Variants in ST3GAL1 observed in about 807,000 individuals in gnomAD.
The protein encoded by ST3GAL1 is ST3 beta-galactoside alpha-2,3-sialyltransferase 1.
ST3GAL1 carries 16 observed loss-of-function variants against 34.1 expected under a neutral mutation model. That is an observed-to-expected ratio of 0.47 (90% confidence interval 0.32 to 0.71). ST3GAL1 has a LOEUF of 0.71. Among genes scored for constraint, ST3GAL1 ranks in the 30% least tolerant of loss-of-function variants. ST3GAL1 has a pLI of 0.04. For missense variants in ST3GAL1, 353 were observed against 447.4 expected, an observed-to-expected ratio of 0.79 and a Z score of 1.90; for synonymous variants, 191 against 184.7, an observed-to-expected ratio of 1.03 and a Z score of -0.28.
intron 2 of ST3GAL1, among the ~76,000 whole-genome samples, chr8:133,517,355 T>A (rs1037891290): frequency 3.3e-5 from 5 of 152,186 alleles, no homozygotes; most frequent in Admixed American, 6.5e-5. Context: ...TTTTTTATTT[T>A]ATTATTTTTT....
At chr8:133,464,663 G>A in intron 7 of ST3GAL1, 115 bp downstream of exon 7, 1 of 1,173,362 alleles carries the variant, frequency 8.5e-7, no homozygotes, top group Non-Finnish European at 1.2e-6. Context: ...TGCCGGAGGA[G>A]GCTGGGGGAG....
chr8:133,473,660 G>T (rs1402573696), intron 5 of ST3GAL1, among the ~76,000 whole-genome samples: 3 of 152,188 alleles, frequency 2.0e-5, no homozygotes, highest in Non-Finnish European at 4.4e-5. Flanking sequence ...GGTTCTCAAG[G>T]GAGGGCAACT....
At chr8:133,479,224 C>T (rs1050040782) in intron 3 of ST3GAL1, among the ~76,000 whole-genome samples, 9 of 152,004 alleles carry the variant, frequency 5.9e-5, no homozygotes, top group East Asian at 3.9e-4. Context: ...TGGGGTGCAT[C>T]GTAAAAGGAT....
chr8:133,510,713 G>A (rs1817478453), intron 2 of ST3GAL1, among the ~76,000 whole-genome samples: 1 of 152,202 alleles, frequency 6.6e-6, no homozygotes, highest in African/African-American at 2.4e-5. Flanking sequence ...AGTTGCACCA[G>A]CCCAATTTCA....
intron 1 of ST3GAL1, among the ~76,000 whole-genome samples, chr8:133,568,354 A>G (rs1773858650): frequency 6.6e-6 from 1 of 152,178 alleles, no homozygotes; most frequent in African/African-American, 2.4e-5. Context: ...GGCTCCTGTG[A>G]CCAAATTAGA....
At chr8:133,567,019 T>G (rs1055769366) in intron 1 of ST3GAL1, 1 of 152,208 alleles carries the variant, frequency 6.6e-6, no homozygotes, top group Non-Finnish European at 1.5e-5. Context: ...TTATTATGAT[T>G]ATTATTATTT....
chr8:133,476,076 T>A lies in ST3GAL1; in HGVS notation c.-50-2A>T. The A allele has an allele frequency of 6.6e-7, 1 of 1,506,526 alleles. No individual in the cohort carries two copies. Among genetic ancestry groups the A allele is most frequent in the Non-Finnish European group, 8.9e-7 (1 of 1,126,326 alleles). 93.3% of individuals were successfully genotyped at this position (1,506,526 alleles called of 1,614,324 possible). On this transcript the variant is annotated splice_acceptor_variant, in intron 4 of 9. Transcript: ENST00000522652. LOFTEE classifies it low-confidence loss of function (5UTR_SPLICE). ...ACGATGGGTAGCAGGAACTCCCTCCTAAGAGAGGAGAAAAATGGAAGAAAA... is the reference window on the plus strand; with the variant it reads ...ACGATGGGTAGCAGGAACTCCCTCCAAAGAGAGGAGAAAAATGGAAGAAAA...
chr8:133,463,317 T>G, intron 8 of ST3GAL1, 97 bp downstream of exon 8: 1 of 1,395,434 alleles, frequency 7.2e-7, no homozygotes, highest in African/African-American at 1.4e-5. Context: ...GGCCTGGGGA[T>G]CTGGGGGCTG....
In ST3GAL1 at chr8:133,459,802, C is replaced by T. The variant is rs144565045; in HGVS notation, c.985G>A (p.Ala329Thr). ...AAGATCCGGATTTTATTGATGGAGG[C>T]CAAGGTGGCCGTCACGTTAGACTCA... ...DFESNVTATL[A>T]SINKIRIFKG... is the part of the protein sequence containing the mutation. The change falls in exon 10 of 10, where the codon GCC becomes ACC. Residue 329 changes from alanine (A) to threonine (T), a missense_variant. By Grantham distance (58) the Ala-to-Thr change is moderately conservative (BLOSUM62 0). Transcript: ENST00000522652. The surrounding 1 kb of genome is among the most constrained non-coding windows in gnomAD (Gnocchi z 4.7). 1 of 1,613,574 alleles carries T rather than the reference C, an allele frequency of 6.2e-7. No individual in the cohort carries two copies. Among genetic ancestry groups the T allele is most frequent in the African/African-American group, 1.3e-5 (1 of 74,900 alleles).
intron 3 of ST3GAL1, among the ~76,000 whole-genome samples, chr8:133,493,150 CG>C (rs1425584210): frequency 1.3e-5 from 2 of 152,282 alleles, no homozygotes; most frequent in East Asian, 3.9e-4. Flanking sequence ...GAGGACTGGA[CG>C]CACTGTCCCC....
At position 133,517,453 on chromosome 8, in the gene ST3GAL1, G is replaced by A. The variant is rs955929025; in HGVS notation, c.-428-18264C>T. 4.6e-5 allele frequency among the ~76,000 whole-genome samples: 7 copies of A among 152,252 alleles called. No homozygotes were observed. In the East Asian group the frequency reaches 7.7e-4, roughly 17 times the overall value. ...CAACCTCTGCCTCCCGGGTTCAAGC[G>A]ATTCTCCTGCCTCAGCCTCCCAAGT... On this transcript the variant is annotated intron_variant, in intron 2 of 9. Coordinates refer to ENST00000522652, the MANE Select transcript of ST3GAL1 (RefSeq NM_173344.3).
chr8:133,568,342 T>G (rs1819468880), intron 1 of ST3GAL1, among the ~76,000 whole-genome samples: 1 of 152,226 alleles, frequency 6.6e-6, no homozygotes, highest in African/African-American at 2.4e-5. Flanking sequence ...GGCCCCGGTC[T>G]GGGCTCCTGT....
chr8:133,542,111 A>C lies in ST3GAL1; in HGVS notation c.-429+3663T>G, dbSNP rs781101666. On this transcript the variant is annotated intron_variant, in intron 2 of 9. Coordinates refer to ENST00000522652, the MANE Select transcript of ST3GAL1 (RefSeq NM_173344.3). ...TGATACACCACACACACACACACACACCCACGCACACACAGACACACACAT... is the reference window on the plus strand; with the variant it reads ...TGATACACCACACACACACACACACCCCCACGCACACACAGACACACACAT... Among the ~76,000 whole-genome samples the C allele has an allele frequency of 4.6e-4, 44 of 95,244 alleles. 1 individual carries two copies. Among genetic ancestry groups the C allele is most frequent in the South Asian group, 4.4e-3 (8 of 1,838 alleles). The allele number at this position is 95,244 out of a possible 152,430, so 62.5% of individuals were successfully genotyped here. A position where few individuals can be genotyped will look rare whatever the true frequency, so the allele number is the denominator to read the frequency against.
chr8:133,478,285 A>G (rs899239330), intron 3 of ST3GAL1, among the ~76,000 whole-genome samples: 1 of 152,190 alleles, frequency 6.6e-6, no homozygotes, highest in African/African-American at 2.4e-5. Flanking sequence ...TACCCCAGTA[A>G]TTGATCCAGG....
chr8:133,552,384 A>G (rs1431837350), intron 1 of ST3GAL1, among the ~76,000 whole-genome samples: 1 of 152,246 alleles, frequency 6.6e-6, no homozygotes, highest in African/African-American at 2.4e-5. Context: ...AGGAATGGTG[A>G]GAGGACCTAG....
At chr8:133,566,731 A>G (rs1047981263) in intron 1 of ST3GAL1, among the ~76,000 whole-genome samples, 3 of 152,242 alleles carry the variant, frequency 2.0e-5, no homozygotes, top group African/African-American at 7.2e-5. Context: ...TGAGCATTAA[A>G]AATAAAGCAC....
rs1425956388 is a variant in ST3GAL1, at chr8:133,540,670, G to C, written c.-429+5104C>G. On this transcript the variant is annotated intron_variant, in intron 2 of 9. Transcript: ENST00000522652. ...CCACACCCATGCTATGCCCTGCCCT[G>C]GGACCCCCTGCCCCTGCCCACACCA... 4.0e-5 allele frequency among the ~76,000 whole-genome samples: 6 copies of C among 149,072 alleles called. 1 individual carries two copies. In the South Asian group the frequency reaches 6.3e-4, roughly 16 times the overall value.
At chr8:133,542,019 G>T (rs1012514757) in intron 2 of ST3GAL1, among the ~76,000 whole-genome samples, 7 of 152,160 alleles carry the variant, frequency 4.6e-5, no homozygotes, top group African/African-American at 1.7e-4. Context: ...ATTTGAAAAT[G>T]ATCTGAATGA....
rs1299790632 is a variant in ST3GAL1, at chr8:133,541,114, T to TAGAGAGAGAGAGAGAG, written c.-429+4659_-429+4660insCTCTCTCTCTCTCTCT. Reference sequence around the variant, plus strand: ...ATATAAACATATATATATATATATATATATATAGAGAGAGAGAGAGAGAGA... The same window carrying TAGAGAGAGAGAGAGAG: ...ATATAAACATATATATATATATATATAGAGAGAGAGAGAGAGATATATAGAGAGAGAGAGAGAGAGA... On this transcript the variant is annotated intron_variant, in intron 2 of 9. Coordinates refer to ENST00000522652, the MANE Select transcript of ST3GAL1 (RefSeq NM_173344.3). Among the ~76,000 whole-genome samples the TAGAGAGAGAGAGAGAG allele has an allele frequency of 1.6e-3, 70 of 44,056 alleles. 3 individuals are homozygous for TAGAGAGAGAGAGAGAG. Among genetic ancestry groups the TAGAGAGAGAGAGAGAG allele is most frequent in the Admixed American group, 2.2e-3 (10 of 4,584 alleles). The allele number at this position is 44,056 out of a possible 152,430, so 28.9% of individuals were successfully genotyped here.
Sources: gnomAD v4.1 joint callset for allele counts (sites outside exome capture counted in the v4.1 genomes callset) on GRCh38, gnomAD v4.1.1 for gene constraint, Gnocchi (gnomAD v3.1) non-coding constraint, MANE v1.5 for transcripts, NCBI Gene and HGNC (gene_info 2026-07-23, HGNC 2026-07-21) for gene names.